The following LARP1B variants were observed in gnomAD, a reference collection of about 807,000 sequenced individuals.
LARP1B encodes the protein la-related protein 1B.
In LARP1B, 76 loss-of-function variants were observed where a neutral mutation model predicts 114.2. The ratio of observed to expected loss-of-function variants is 0.67; its 90% CI spans 0.55 to 0.81. The LOEUF (loss-of-function observed/expected upper bound fraction) is 0.81, where lower values mean the gene tolerates loss of function less well. Ranked by LOEUF, LARP1B falls within the 30% of genes least tolerant of loss-of-function variation. The probability of loss-of-function intolerance (pLI) is 0.00; values close to 1 mark genes in which losing one functional copy is unlikely to be tolerated. For missense variants in LARP1B, 1,014 were observed against 1,075.8 expected, an observed-to-expected ratio of 0.94 and a Z score of 0.80; for synonymous variants, 345 against 348.0, an observed-to-expected ratio of 0.99 and a Z score of 0.10.
At chr4:128,208,083 T>C (rs549512104) in intron 19 of LARP1B, among the ~76,000 whole-genome samples, 2 of 152,242 alleles carry the variant, frequency 1.3e-5, no homozygotes, top group East Asian at 3.9e-4. Context: ...ATTCCAGCAC[T>C]TTGGGAGGCC....
chr4:128,159,398 A>C (rs1737357008), intron 11 of LARP1B, among the ~76,000 whole-genome samples: 1 of 151,992 alleles, frequency 6.6e-6, no homozygotes, highest in African/African-American at 2.4e-5. Flanking sequence ...CACCTCCACT[A>C]TCCCTAACCC....
At chr4:128,074,125 A>C (rs1259856159) in intron 1 of LARP1B, among the ~76,000 whole-genome samples, 1 of 151,362 alleles carries the variant, frequency 6.6e-6, no homozygotes, top group African/African-American at 2.4e-5. Flanking sequence ...TTTTTAGTAG[A>C]GACGGGGTTT....
At chr4:128,069,471 T>C in intron 1 of LARP1B, 1 of 756,324 alleles carries the variant, frequency 1.3e-6, no homozygotes, top group East Asian at 2.4e-5. Context: ...GTTGGCCTTG[T>C]AGCCCAGCTG....
chr4:128,161,560 A>G lies in LARP1B; in HGVS notation c.1525-634A>G, dbSNP rs145789721. 2.2e-3 allele frequency among the ~76,000 whole-genome samples: 332 copies of G among 152,186 alleles called. 8 individuals carry two copies. In the East Asian group the frequency reaches 0.042, roughly 19 times the overall value. On this transcript the variant is annotated intron_variant, in intron 11 of 19. Coordinates refer to ENST00000326639, the MANE Select transcript of LARP1B (RefSeq NM_018078.4). Reference sequence around the variant, plus strand: ...AAAGGTCTTCTAGTAGCTTTCTCCAACTTCCTCATCAGTCCTCTTTGCCAC... The same window carrying G: ...AAAGGTCTTCTAGTAGCTTTCTCCAGCTTCCTCATCAGTCCTCTTTGCCAC...
At position 128,061,413 on chromosome 4, in the gene LARP1B, C is replaced by T. The variant is rs537712661; in HGVS notation, c.-78+12C>T. On this transcript the variant is annotated intron_variant, in intron 1 of 19. Coordinates refer to ENST00000326639, the MANE Select transcript of LARP1B (RefSeq NM_018078.4). Reference sequence around the variant, plus strand: ...CTGCCCTGCGCCAGGTGAGGGCTCGCGGCTCCCGGCTGCGGCTCCCGGCGC... The same window carrying T: ...CTGCCCTGCGCCAGGTGAGGGCTCGTGGCTCCCGGCTGCGGCTCCCGGCGC... The T allele has an allele frequency of 7.1e-4, 109 of 153,246 alleles. No individual in the cohort carries two copies. Among genetic ancestry groups the T allele is most frequent in the Non-Finnish European group, 1.3e-3 (92 of 69,144 alleles). 9.5% of individuals were successfully genotyped at this position (153,246 alleles called of 1,614,324 possible).
chr4:128,083,472 C>T (rs555163024), intron 5 of LARP1B, among the ~76,000 whole-genome samples: 3 of 146,984 alleles, frequency 2.0e-5, no homozygotes, highest in South Asian at 4.3e-4. Context: ...CCCTCCCGGA[C>T]GGAGAGGCTG....
intron 11 of LARP1B, among the ~76,000 whole-genome samples, chr4:128,159,831 G>A (rs555352824): frequency 6.6e-6 from 1 of 152,276 alleles, no homozygotes; most frequent in South Asian, 2.1e-4. Context: ...GAAACCTACT[G>A]CTCAATTCAG....
intron 11 of LARP1B, among the ~76,000 whole-genome samples, chr4:128,145,290 G>T (rs1729855819): frequency 6.6e-6 from 1 of 152,100 alleles, no homozygotes; most frequent in South Asian, 2.1e-4. Flanking sequence ...CTCGAGTGTG[G>T]ACCTTATTCT....
chr4:128,133,782 C>T (rs535545605), intron 11 of LARP1B, among the ~76,000 whole-genome samples: 28 of 152,144 alleles, frequency 1.8e-4, no homozygotes, highest in African/African-American at 6.0e-4. Flanking sequence ...CTGCAACCTC[C>T]GCCTCCCAGG....
At chr4:128,166,654 G>A (rs902048277) in intron 12 of LARP1B, among the ~76,000 whole-genome samples, 4 of 151,498 alleles carry the variant, frequency 2.6e-5, no homozygotes, top group Non-Finnish European at 4.4e-5. Flanking sequence ...CCCTCAGGTT[G>A]TACATTAGAT....
intron 9 of LARP1B, among the ~76,000 whole-genome samples, chr4:128,109,559 A>T (rs1183476243): frequency 2.6e-5 from 4 of 152,058 alleles, no homozygotes; most frequent in Non-Finnish European, 5.9e-5. Flanking sequence ...AGTTTTATGG[A>T]TATTGTTAGT....
At chr4:128,116,097 T>C (rs1471963861) in intron 10 of LARP1B, among the ~76,000 whole-genome samples, 1 of 152,182 alleles carries the variant, frequency 6.6e-6, no homozygotes, top group African/African-American at 2.4e-5. Context: ...GAATTTTTGG[T>C]GGAGGGTACA....
At chr4:128,117,818 C>A (rs1288384984) in intron 10 of LARP1B, among the ~76,000 whole-genome samples, 1 of 152,008 alleles carries the variant, frequency 6.6e-6, no homozygotes, top group Non-Finnish European at 1.5e-5. Flanking sequence ...CCACACCTGG[C>A]CTTGCTTGAG....
At chr4:128,146,548 C>T (rs1394779807) in intron 11 of LARP1B, among the ~76,000 whole-genome samples, 1 of 151,874 alleles carries the variant, frequency 6.6e-6, no homozygotes. Flanking sequence ...AAATATATTG[C>T]ATAGGGAAAC....
In LARP1B at chr4:128,211,221, T is replaced by C. The variant is rs1416741477; in HGVS notation, c.*1168T>C. 30 of 940,246 alleles carry C rather than the reference T, an allele frequency of 3.2e-5. No homozygotes were observed. The highest frequency in any genetic ancestry group is 1.2e-4 in the Admixed American group (2 of 16,194). The allele number at this position is 940,246 out of a possible 1,614,324, so 58.2% of individuals were successfully genotyped here. ...GTTTTGCTAGTAAAAGACCATTTTT[T>C]TGTGTGAATGAAGTTTCAATTATAA... On this transcript the variant is annotated 3_prime_UTR_variant, in exon 20 of 20. Transcript: ENST00000326639.
intron 1 of LARP1B, among the ~76,000 whole-genome samples, chr4:128,065,690 T>C (rs1762530297): frequency 6.6e-6 from 1 of 152,132 alleles, no homozygotes; most frequent in East Asian, 1.9e-4. Flanking sequence ...CTGGGCATTA[T>C]AAATGAATAA....
intron 15 of LARP1B, among the ~76,000 whole-genome samples, chr4:128,195,198 C>T (rs554749493): frequency 1.3e-5 from 2 of 152,176 alleles, no homozygotes; most frequent in East Asian, 3.9e-4. Context: ...TAAAGTAAGT[C>T]CTAGGCTTAT....
At chr4:128,093,248 A>G (rs1776493217) in intron 7 of LARP1B, among the ~76,000 whole-genome samples, 1 of 152,128 alleles carries the variant, frequency 6.6e-6, no homozygotes, top group African/African-American at 2.4e-5. Flanking sequence ...TTTGGTTTCT[A>G]ATATATAGAT....
intron 15 of LARP1B, among the ~76,000 whole-genome samples, chr4:128,197,415 G>C (rs1245523819): frequency 6.6e-6 from 1 of 152,114 alleles, no homozygotes; most frequent in East Asian, 1.9e-4. Flanking sequence ...TTTTTTATCA[G>C]CTGGGCGCAG....
Sources: gnomAD v4.1 joint callset for allele counts (sites outside exome capture counted in the v4.1 genomes callset) on GRCh38, gnomAD v4.1.1 for gene constraint, MANE v1.5 for transcripts, NCBI Gene and HGNC (gene_info 2026-07-23, HGNC 2026-07-21) for gene names.